Variants in COL9A3 observed in about 807,000 individuals in gnomAD.
COL9A3 encodes collagen type IX alpha 3 chain, also known as collagen alpha-3(IX) chain.
COL9A3 carries 82 observed loss-of-function variants against 110.2 expected under a neutral mutation model. The observed-to-expected ratio is 0.74, with a 90% CI of 0.62 to 0.89. The LOEUF is 0.89. Among genes scored for constraint, COL9A3 ranks in the 40% least tolerant of loss-of-function variants. The pLI, the probability that COL9A3 is intolerant of heterozygous loss-of-function variation, is 0.00. For missense variants in COL9A3, 1,066 were observed against 981.3 expected, an observed-to-expected ratio of 1.09 and a Z score of -1.15; for synonymous variants, 494 against 403.8, an observed-to-expected ratio of 1.22 and a Z score of -2.68.
chr20:62,838,574 CTT>C, intron 30 of COL9A3, 108 bp from the exon 31 acceptor site: 5 of 1,020,810 alleles, frequency 4.9e-6, no homozygotes, highest in Non-Finnish European at 7.5e-6. Flanking sequence ...AATGTTTCCA[CTT>C]CAGTGAAAAG....
At chr20:62,839,546 G>C (rs916302899) in intron 31 of COL9A3, among the ~76,000 whole-genome samples, 2 of 151,684 alleles carry the variant, frequency 1.3e-5, no homozygotes, top group Non-Finnish European at 2.9e-5. Context: ...GAAGGATCCC[G>C]AACAGTCTTC....
chr20:62,824,614 G>A, intron 11 of COL9A3, 113 bp downstream of exon 11: 2 of 1,128,324 alleles, frequency 1.8e-6, no homozygotes, highest in South Asian at 2.6e-5. Context: ...CTGGTTCCAG[G>A]GTTGCCCCAG....
Position 62,828,820 on chromosome 20 carries a change from T to C in COL9A3, c.954+3T>C. On this transcript the variant is annotated splice_donor_region_variant and intron_variant, in intron 18 of 31. Transcript: ENST00000649368. ...TGCCAGGACTCGATGGCCAGAAGGT[T>C]GGCATGGGGCTCAGGGTGTGACGGG... 6.2e-7 allele frequency: 1 copy of C among 1,612,882 alleles called. No homozygotes were observed. Among genetic ancestry groups the C allele is most frequent in the Non-Finnish European group, 8.5e-7 (1 of 1,179,964 alleles).
At chr20:62,825,410 C>T (rs866162469) in intron 12 of COL9A3, 12 of 347,216 alleles carry the variant, frequency 3.5e-5, no homozygotes, top group Non-Finnish European at 5.3e-5. Context: ...CCTGTAGCCT[C>T]CCCTCACCTG....
intron 26 of COL9A3, among the ~76,000 whole-genome samples, chr20:62,834,582 G>A (rs2063620904): frequency 6.6e-6 from 1 of 152,188 alleles, no homozygotes; most frequent in African/African-American, 2.4e-5. Context: ...CCACAGCCCA[G>A]TGTAAACTTT....
intron 30 of COL9A3, 91 bp downstream of exon 30, chr20:62,837,356 C>A: frequency 1.4e-6 from 2 of 1,402,296 alleles, no homozygotes; most frequent in Non-Finnish European, 2.0e-6. Context: ...GCCTGCCATG[C>A]GCCCTCAGGG....
chr20:62,819,112 TC>T, intron 3 of COL9A3, 109 bp from the exon 4 acceptor site: 1 of 1,082,404 alleles, frequency 9.2e-7, no homozygotes, highest in South Asian at 1.3e-5. Context: ...GAGGGGCCCA[TC>T]CCGTATGGTT....
intron 31 of COL9A3, among the ~76,000 whole-genome samples, chr20:62,839,518 A>T (rs1206596583): frequency 6.6e-6 from 1 of 152,184 alleles, no homozygotes; most frequent in African/African-American, 2.4e-5. Context: ...GACTCCAAGG[A>T]TGTGTGTGTC....
upstream of COL9A3, among the ~76,000 whole-genome samples, chr20:62,816,891 G>C (rs1990933524): frequency 6.6e-6 from 1 of 151,730 alleles, no homozygotes; most frequent in Non-Finnish European, 1.5e-5. Context: ...TCGCCCAGGC[G>C]GGCTGGGCGG....
At chr20:62,825,964 C>T (rs750863281) in intron 13 of COL9A3, 94 bp downstream of exon 13, 91 of 1,392,500 alleles carry the variant, frequency 6.5e-5, no homozygotes, top group Non-Finnish European at 8.6e-5. Context: ...GGGCCAGCTC[C>T]GGCTGGGGGG....
intron 4 of COL9A3, 114 bp downstream of exon 4, chr20:62,819,407 C>G (rs1006629303): frequency 2.9e-6 from 3 of 1,038,990 alleles, no homozygotes; most frequent in Non-Finnish European, 4.4e-6. Context: ...AAGCCCAGTC[C>G]TGAGAGAAGT....
chr20:62,816,891 G>A (rs1990933524), upstream of COL9A3, among the ~76,000 whole-genome samples: 1 of 151,730 alleles, frequency 6.6e-6, no homozygotes, highest in African/African-American at 2.4e-5. Flanking sequence ...TCGCCCAGGC[G>A]GGCTGGGCGG....
intron 9 of COL9A3, among the ~76,000 whole-genome samples, chr20:62,822,388 C>T (rs2063519360): frequency 6.6e-6 from 1 of 152,182 alleles, no homozygotes; most frequent in Admixed American, 6.5e-5. Flanking sequence ...GCCCCAAGGA[C>T]AGGTGGATTC....
intron 16 of COL9A3, 102 bp downstream of exon 16, chr20:62,827,396 C>G: frequency 1.6e-6 from 2 of 1,262,684 alleles, no homozygotes; most frequent in Non-Finnish European, 2.3e-6. Context: ...AGTGAGACTG[C>G]AAGGGGCTGC....
upstream of COL9A3, chr20:62,817,025 G>C: frequency 8.5e-7 from 1 of 1,172,952 alleles, no homozygotes; most frequent in South Asian, 3.9e-5. Context: ...CCGCCCGCGC[G>C]CCGCCCGCCC....
intron 30 of COL9A3, among the ~76,000 whole-genome samples, chr20:62,837,575 G>A (rs1403967235): frequency 2.0e-5 from 3 of 152,116 alleles, no homozygotes; most frequent in Non-Finnish European, 2.9e-5. Flanking sequence ...TTGGGGGGCT[G>A]AGGTGGGCAG....
intron 16 of COL9A3, among the ~76,000 whole-genome samples, chr20:62,827,550 G>A (rs1258868946): frequency 1.3e-5 from 2 of 152,206 alleles, no homozygotes; most frequent in Non-Finnish European, 2.9e-5. Flanking sequence ...GAGGGACCAG[G>A]CTCCAGGGCT....
chr20:62,825,754 G>A (rs533088385), intron 12 of COL9A3, 63 bp from the exon 13 acceptor site: 1 of 1,495,592 alleles, frequency 6.7e-7, no homozygotes, highest in South Asian at 1.2e-5. Flanking sequence ...GGTGACTGGA[G>A]GCACCGAAAG....
chr20:62,824,303 G>T, intron 10 of COL9A3, 142 bp from the exon 11 acceptor site: 2 of 819,644 alleles, frequency 2.4e-6, no homozygotes, highest in South Asian at 2.9e-5. Context: ...GCCTCCTGGG[G>T]TCCTGTCACC....
Sources: allele counts gnomAD v4.1 joint callset (sites outside exome capture counted in the v4.1 genomes callset), GRCh38; gene constraint gnomAD v4.1.1; transcripts MANE v1.5; gene names NCBI Gene and HGNC (gene_info 2026-07-23, HGNC 2026-07-21).